EPB41L3: variants seen among roughly 807,000 people sequenced by gnomAD.
EPB41L3 encodes band 4.1-like protein 3.
EPB41L3 carries 57 observed loss-of-function variants against 127.1 expected under a neutral mutation model. The ratio of observed to expected loss-of-function variants is 0.45; its 90% confidence interval spans 0.36 to 0.56. The LOEUF is 0.56. Ranked by LOEUF, EPB41L3 falls within the 20% of genes least tolerant of loss-of-function variation. The pLI is 0.00. For missense variants in EPB41L3, 1,273 were observed against 1,372.2 expected (o/e 0.93, Z 1.14); for synonymous variants, 572 against 549.5 (o/e 1.04, Z -0.57).
At chr18:5,445,322 A>G (rs1045972657) in intron 3 of EPB41L3, 78 bp from the exon 4 acceptor site, 8 of 1,151,228 alleles carry the variant, frequency 6.9e-6, no homozygotes, top group African/African-American at 6.1e-5. Flanking sequence ...AAAACCAGGT[A>G]ATATTTAAAA....
intron 3 of EPB41L3, among the ~76,000 whole-genome samples, chr18:5,459,395 CTTTT>C (rs11459858): frequency 2.0e-5 from 3 of 147,738 alleles, no homozygotes; most frequent in Non-Finnish European, 4.5e-5. Flanking sequence ...CCATTGGTCT[CTTTT>C]TTTTTTTGAA....
intron 7 of EPB41L3, 97 bp from the exon 8 acceptor site, chr18:5,433,653 T>C: frequency 1.8e-6 from 2 of 1,106,112 alleles, no homozygotes; most frequent in South Asian, 1.4e-5. Flanking sequence ...TAAGAAGTCC[T>C]ATGGAGGCAC....
chr18:5,454,206 C>CTTTTT (rs1599144869), intron 3 of EPB41L3, among the ~76,000 whole-genome samples: 1 of 125,338 alleles, frequency 8.0e-6, no homozygotes, highest in African/African-American at 2.8e-5. Context: ...TTTTTGTTTC[C>CTTTTT]TTGTTTTTTT....
intron 1 of EPB41L3, among the ~76,000 whole-genome samples, chr18:5,490,015 G>A (rs2090398139): frequency 6.6e-6 from 1 of 152,168 alleles, no homozygotes; most frequent in Admixed American, 6.6e-5. Context: ...GATGTTTCAG[G>A]ATTTCGTGCC....
chr18:5,583,795 C>T (rs949333475), intron 3 of EPB41L3, among the ~76,000 whole-genome samples: 2 of 151,904 alleles, frequency 1.3e-5, no homozygotes, highest in African/African-American at 2.4e-5. Flanking sequence ...TTTAAAGGGA[C>T]GTGGGTCTAG....
intron 16 of EPB41L3, among the ~76,000 whole-genome samples, chr18:5,404,628 A>G: frequency 6.6e-6 from 1 of 152,328 alleles, no homozygotes; most frequent in Non-Finnish European, 1.5e-5. Context: ...TGTAAAAAAA[A>G]CATATCTTAC....
intron 1 of EPB41L3, among the ~76,000 whole-genome samples, chr18:5,514,833 G>T (rs2092689003): frequency 6.6e-6 from 1 of 152,178 alleles, no homozygotes; most frequent in South Asian, 2.1e-4. Flanking sequence ...TGCTGACAGG[G>T]TACAGCTGCA....
chr18:5,441,401 C>G (rs961779407), intron 5 of EPB41L3, among the ~76,000 whole-genome samples: 1 of 151,220 alleles, frequency 6.6e-6, no homozygotes, highest in Non-Finnish European at 1.5e-5. Flanking sequence ...AATTTTGTGG[C>G]AAGAGGGCAT....
intron 13 of EPB41L3, among the ~76,000 whole-genome samples, chr18:5,411,134 G>A (rs1019341295): frequency 6.6e-6 from 1 of 152,074 alleles, no homozygotes; most frequent in Non-Finnish European, 1.5e-5. Flanking sequence ...TCCATCTAGG[G>A]CCATCAGGCT....
At chr18:5,456,214 A>G (rs1201781001) in intron 3 of EPB41L3, among the ~76,000 whole-genome samples, 1 of 152,230 alleles carries the variant, frequency 6.6e-6, no homozygotes, top group African/African-American at 2.4e-5. Flanking sequence ...CTGATAATCA[A>G]AAAACATGAG....
At chr18:5,538,995 ATT>A (rs757227800) in intron 1 of EPB41L3, among the ~76,000 whole-genome samples, 3,328 of 115,120 alleles carry the variant, frequency 0.029, 106 homozygotes, top group African/African-American at 0.091. Context: ...TTTCTCCAAG[ATT>A]TTTTTTTTTT....
At chr18:5,410,211 T>A (rs1269151722) in intron 14 of EPB41L3, among the ~76,000 whole-genome samples, 1 of 148,386 alleles carries the variant, frequency 6.7e-6, no homozygotes, top group African/African-American at 2.6e-5. Context: ...AGATAGAATT[T>A]TTTTCTAAAA....
At chr18:5,507,401 C>A (rs1248299276) in intron 1 of EPB41L3, among the ~76,000 whole-genome samples, 1 of 152,092 alleles carries the variant, frequency 6.6e-6, no homozygotes, top group Non-Finnish European at 1.5e-5. Flanking sequence ...TTAAGATATT[C>A]AGACATTAAT....
At chr18:5,613,017 G>T (rs1437177213) in intron 2 of EPB41L3, among the ~76,000 whole-genome samples, 2 of 152,206 alleles carry the variant, frequency 1.3e-5, no homozygotes, top group African/African-American at 4.8e-5. Context: ...TAGGATTACA[G>T]GCATGAGCCA....
chr18:5,421,540 C>T (rs2077472053), intron 11 of EPB41L3, among the ~76,000 whole-genome samples: 1 of 152,054 alleles, frequency 6.6e-6, no homozygotes, highest in African/African-American at 2.4e-5. Context: ...AGAAGACACA[C>T]AATGGCAATT....
At position 5,543,061 on chromosome 18, in the gene EPB41L3, T is replaced by C. The variant is rs2093782613; in HGVS notation, c.-12+852A>G. Among the ~76,000 whole-genome samples, 1 of 151,822 alleles carries C rather than the reference T, an allele frequency of 6.6e-6. No homozygotes were observed. The highest frequency in any genetic ancestry group is 2.4e-5 in the African/African-American group (1 of 41,466). On this transcript the variant is annotated intron_variant, in intron 1 of 22. Coordinates refer to ENST00000341928, the MANE Select transcript of EPB41L3 (RefSeq NM_012307.5). This position sits in a 1 kb window ranked among gnomAD's most constrained non-coding sequence, Gnocchi z 5.2. The stretch of plus-strand genomic sequence containing the variant: ...GAATCGCGGCCCCGAGGGCGCCAGG[T>C]GAGTCGCGCCGCCCCGAGCCCCCGG...
intron 9 of EPB41L3, among the ~76,000 whole-genome samples, chr18:5,425,718 G>T (rs2078080569): frequency 6.6e-6 from 1 of 152,064 alleles, no homozygotes; most frequent in Admixed American, 6.6e-5. Flanking sequence ...CTGTAAATAG[G>T]ATTGTAAAAG....
intron 18 of EPB41L3, 117 bp from the exon 19 acceptor site, chr18:5,396,449 T>C (rs916048308): frequency 1.1e-5 from 14 of 1,221,134 alleles, no homozygotes; most frequent in Admixed American, 1.1e-4. Flanking sequence ...AATGTTTATG[T>C]AGAGAGTAAG....
At chr18:5,461,672 C>T (rs1390100733) in intron 3 of EPB41L3, among the ~76,000 whole-genome samples, 1 of 152,156 alleles carries the variant, frequency 6.6e-6, no homozygotes, top group African/African-American at 2.4e-5. Flanking sequence ...CAAAATAGGT[C>T]AGTCTTGCAA....
Sources: allele counts gnomAD v4.1 joint callset (sites outside exome capture counted in the v4.1 genomes callset), GRCh38; gene constraint gnomAD v4.1.1; non-coding constraint Gnocchi (gnomAD v3.1); transcripts MANE v1.5; gene names NCBI Gene and HGNC (gene_info 2026-07-23, HGNC 2026-07-21).